Variants in CCNH observed in about 807,000 individuals in gnomAD.
The protein encoded by CCNH is cyclin-H.
A neutral mutation model predicts 41.9 loss-of-function variants in CCNH; 31 were observed. The observed-to-expected ratio is 0.74, with a 90% confidence interval of 0.56 to 1.00. The LOEUF (loss-of-function observed/expected upper bound fraction) is 1.00. CCNH is among the 50% of genes least tolerant of loss of function. The pLI is 0.00. For missense variants in CCNH, 362 were observed against 388.4 expected (o/e 0.93, Z 0.57); for synonymous variants, 138 against 136.1 (o/e 1.01, Z -0.10).
chr5:87,403,505 T>C (rs895113663), intron 5 of CCNH, among the ~76,000 whole-genome samples: 19 of 152,258 alleles, frequency 1.2e-4, no homozygotes, highest in Middle Eastern at 3.4e-3. Flanking sequence ...AGGCCAGGTA[T>C]GGTGGTGTGC....
At chr5:87,394,525 A>G (rs754412613) in intron 8 of CCNH, 41 bp from the exon 9 acceptor site, 2 of 1,610,684 alleles carry the variant, frequency 1.2e-6, no homozygotes, top group Admixed American at 1.7e-5. Flanking sequence ...ACACTGAAGC[A>G]TAACCAGTAT....
At chr5:87,394,636 AAT>A (rs1762774257) in intron 8 of CCNH, 152 bp from the exon 9 acceptor site, 4 of 1,454,204 alleles carry the variant, frequency 2.8e-6, no homozygotes, top group Non-Finnish European at 3.6e-6. Context: ...CACTGTTAGT[AAT>A]GTTGGCATGG....
downstream of CCNH, chr5:87,386,747 T>TA: frequency 7.9e-7 from 1 of 1,257,952 alleles, no homozygotes; most frequent in Non-Finnish European, 1.2e-6. Flanking sequence ...CTGTTAACTG[T>TA]AATTACTTTT....
downstream of CCNH, chr5:87,318,328 G>A (rs1439773659): frequency 6.6e-6 from 1 of 152,066 alleles, no homozygotes; most frequent in South Asian, 2.1e-4. Flanking sequence ...TGAGATAGAG[G>A]AAGATTGATA....
chr5:87,405,110 C>T, intron 4 of CCNH, 103 bp from the exon 5 acceptor site: 1 of 792,228 alleles, frequency 1.3e-6, no homozygotes, highest in Non-Finnish European at 2.1e-6. Context: ...TATGCTATAA[C>T]ATATCTAAAG....
At chr5:87,325,265 C>A (rs2112348744) in intron 9 of CCNH, among the ~76,000 whole-genome samples, 1 of 152,316 alleles carries the variant, frequency 6.6e-6, no homozygotes, top group East Asian at 1.9e-4. Flanking sequence ...AATTCAGTTA[C>A]TTCCCACCGG....
intron 9 of CCNH, among the ~76,000 whole-genome samples, chr5:87,338,536 A>ATATATATTTTTTTTTTTT: frequency 3.5e-5 from 3 of 85,222 alleles, no homozygotes; most frequent in African/African-American, 1.3e-4. Context: ...TATATATAAA[A>ATATATATTTTTTTTTTTT]TTTTTTTTTT....
At chr5:87,358,795 C>A (rs1272627910) in intron 9 of CCNH, among the ~76,000 whole-genome samples, 2 of 152,022 alleles carry the variant, frequency 1.3e-5, no homozygotes, top group Non-Finnish European at 2.9e-5. Context: ...ATACTTGCTT[C>A]TGTATTATTA....
chr5:87,330,921 A>G, intron 9 of CCNH: 4 of 1,387,120 alleles, frequency 2.9e-6, no homozygotes, highest in Non-Finnish European at 3.8e-6. Flanking sequence ...GGAATAAAAC[A>G]TTTTATATTC....
In CCNH at chr5:87,331,549, A is replaced by G. The variant is rs200007905; in HGVS notation, c.*91-12652T>C. 199 of 1,574,100 alleles carry G rather than the reference A, an allele frequency of 1.3e-4. 1 individual carries two copies. The highest frequency in any genetic ancestry group is 1.5e-4 in the Non-Finnish European group (172 of 1,145,304). On this transcript the variant is annotated intron_variant and NMD_transcript_variant, in intron 9 of 9. Coordinates refer to the CCNH transcript ENST00000645953. ...AGCCAAATGATGTAGCTATTTTGAT[A>G]TAATATTCATAAATATACCTGTATA...
downstream of CCNH, among the ~76,000 whole-genome samples, chr5:87,393,116 AATT>A (rs3093864): frequency 0.012 from 1,783 of 152,004 alleles, 27 homozygotes; most frequent in African/African-American, 0.04. Flanking sequence ...CAGTGTAAAG[AATT>A]ATTGTTAGAG....
At chr5:87,367,844 TTC>T (rs536001072) in intron 9 of CCNH, among the ~76,000 whole-genome samples, 130 of 152,330 alleles carry the variant, frequency 8.5e-4, no homozygotes, top group African/African-American at 3.0e-3. Context: ...TTCAAATTGT[TTC>T]TGTTTTAGAG....
chr5:87,408,112 C>T lies in CCNH; in HGVS notation c.389G>A (p.Arg130Gln), dbSNP rs774697142. The change falls in exon 4 of 9, where the codon CGG (arginine) becomes CAG (glutamine). Residue 130 changes from arginine to glutamine, a missense_variant. Physicochemically the swap from Arg to Gln is conservative, Grantham distance 43. Coordinates refer to ENST00000256897, the MANE Select transcript of CCNH (RefSeq NM_001239.4). ...CTTCTCCTGTCCAAGAGGACTCTCC[C>T]GGAGGTTTCCAACAAACTGAGGACT... is the stretch of plus-strand genomic sequence containing the variant. ...VSSPQFVGNL[R>Q]ESPLGQEKAL... is the part of the protein sequence containing the mutation. 1.2e-5 allele frequency: 20 copies of T among 1,612,236 alleles called. No homozygotes were observed. The highest frequency in any genetic ancestry group is 1.6e-4 in the Middle Eastern group (1 of 6,080).
At chr5:87,321,604 T>A (rs1355973940) in intron 9 of CCNH, among the ~76,000 whole-genome samples, 4 of 152,244 alleles carry the variant, frequency 2.6e-5, no homozygotes, top group African/African-American at 9.6e-5. Context: ...AGGATACAAG[T>A]AAACAGCCAT....
chr5:87,393,647 C>A (rs148699515), downstream of CCNH: 1 of 152,076 alleles, frequency 6.6e-6, no homozygotes, highest in Non-Finnish European at 1.5e-5. Context: ...TCTACTTACA[C>A]GGATTCACTT....
In CCNH at chr5:87,338,536, A is replaced by ATTTTTTTTTTTTT. The variant is rs1232583853; in HGVS notation, c.*91-19652_*91-19640dup. On this transcript the variant is annotated intron_variant and NMD_transcript_variant, in intron 9 of 9. Coordinates refer to the CCNH transcript ENST00000645953. ...ATATATATATATATATATATATAAA[A>ATTTTTTTTTTTTT]TTTTTTTTTTTTTTAAGTAGAAATG... is the stretch of plus-strand genomic sequence containing the variant. Among the ~76,000 whole-genome samples the ATTTTTTTTTTTTT allele has an allele frequency of 4.7e-4, 40 of 85,214 alleles. 1 individual carries two copies. The highest frequency in any genetic ancestry group is 1.6e-3 in the African/African-American group (37 of 22,620). The allele number at this position is 85,214 out of a possible 152,430, so 55.9% of individuals were successfully genotyped here. A position where few individuals can be genotyped will look rare whatever the true frequency, so the allele number is the denominator to read the frequency against.
chr5:87,340,260 A>T (rs1041500850), intron 9 of CCNH, among the ~76,000 whole-genome samples: 1 of 151,994 alleles, frequency 6.6e-6, no homozygotes, highest in Admixed American at 6.6e-5. Context: ...GCCTTTCTGG[A>T]GTCTCTTAGG....
chr5:87,326,038 C>T (rs1757208598), intron 9 of CCNH, among the ~76,000 whole-genome samples: 1 of 152,030 alleles, frequency 6.6e-6, no homozygotes, highest in South Asian at 2.1e-4. Context: ...GTGGCACAAT[C>T]TTGTCTCACT....
intron 9 of CCNH, chr5:87,383,641 A>G: frequency 1.7e-6 from 2 of 1,161,432 alleles, no homozygotes; most frequent in Admixed American, 2.3e-5. Flanking sequence ...CTGTTTATAT[A>G]TATTGTTTTA....
Sources: allele counts gnomAD v4.1 joint callset (sites outside exome capture counted in the v4.1 genomes callset), GRCh38; gene constraint gnomAD v4.1.1; transcripts MANE v1.5; gene names NCBI Gene and HGNC (gene_info 2026-07-23, HGNC 2026-07-21).